The following PID1 variants were observed in gnomAD, a reference collection of about 807,000 sequenced individuals.
PID1 encodes PTB-containing, cubilin and LRP1-interacting protein.
PID1 carries 10 observed loss-of-function variants against 19.1 expected under a neutral mutation model. The observed-to-expected ratio is 0.52, with a 90% CI of 0.32 to 0.89. The LOEUF (loss-of-function observed/expected upper bound fraction) is 0.89. PID1 is among the 40% of genes least tolerant of loss of function. PID1 has a pLI of 0.03. For missense variants in PID1, 248 were observed against 285.3 expected, an observed-to-expected ratio of 0.87 and a Z score of 0.94; for synonymous variants, 130 against 116.0, an observed-to-expected ratio of 1.12 and a Z score of -0.78.
chr2:229,139,025 A>AG (rs1689926047), intron 2 of PID1, among the ~76,000 whole-genome samples: 3 of 88,190 alleles, frequency 3.4e-5, no homozygotes, highest in African/African-American at 1.3e-4. Context: ...GAAAGAAAGA[A>AG]AGAAAGAAAG....
intron 2 of PID1, among the ~76,000 whole-genome samples, chr2:229,095,018 G>A (rs7587601): frequency 6.6e-6 from 1 of 151,812 alleles, no homozygotes; most frequent in African/African-American, 2.4e-5. Context: ...TTCTACATAC[G>A]AAGACAATAA....
In PID1 at chr2:229,100,821, T is replaced by G. The variant is rs550663828; in HGVS notation, c.177+54997A>C. Reference sequence around the variant, plus strand: ...ATGATCAGAAACAGAAGGTTCCAAGTAGAAAACCCTTTCCTGCTCTTACCT... The same window carrying G: ...ATGATCAGAAACAGAAGGTTCCAAGGAGAAAACCCTTTCCTGCTCTTACCT... On this transcript the variant is annotated intron_variant, in intron 2 of 2. Coordinates refer to ENST00000392055, the MANE Select transcript of PID1 (RefSeq NM_001100818.2). Among the ~76,000 whole-genome samples, 8 of 152,262 alleles carry G rather than the reference T, an allele frequency of 5.3e-5. No individual in the cohort carries two copies. In the South Asian group the frequency reaches 1.5e-3, roughly 28 times the overall value.
rs183396912 is a variant in PID1, at chr2:229,069,914, A to T, written c.178-43806T>A. 4.6e-5 allele frequency among the ~76,000 whole-genome samples: 7 copies of T among 152,330 alleles called. No individual in the cohort carries two copies. The East Asian group carries it at 1.4e-3, about 29-fold the overall frequency. On this transcript the variant is annotated intron_variant, in intron 2 of 2. Transcript: ENST00000392055. ...ATTTCACACACAAGCACAAATCAAC[A>T]GTTTGACAAAAGAAGTCAAGAGGGG...
chr2:229,105,328 C>T (rs1695155587), intron 2 of PID1, among the ~76,000 whole-genome samples: 1 of 152,220 alleles, frequency 6.6e-6, no homozygotes, highest in South Asian at 2.1e-4. Context: ...GAGATTCAAT[C>T]ACCGACAGTG....
At chr2:229,104,417 T>C (rs1372990650) in intron 2 of PID1, among the ~76,000 whole-genome samples, 1 of 152,262 alleles carries the variant, frequency 6.6e-6, no homozygotes, top group East Asian at 1.9e-4. Context: ...GATGTTAAGC[T>C]GATTTTGAAT....
intron 1 of PID1, among the ~76,000 whole-genome samples, chr2:229,175,863 A>T (rs1250770360): frequency 6.6e-6 from 1 of 152,202 alleles, no homozygotes; most frequent in African/African-American, 2.4e-5. Flanking sequence ...ACCTAAACAT[A>T]GACTACGCAA....
intron 2 of PID1, among the ~76,000 whole-genome samples, chr2:229,033,886 C>T (rs572581879): frequency 6.6e-6 from 1 of 152,278 alleles, no homozygotes; most frequent in African/African-American, 2.4e-5. Flanking sequence ...AGCTCTTCTT[C>T]CATCACATGG....
At chr2:229,248,816 A>T (rs920194845) in intron 1 of PID1, among the ~76,000 whole-genome samples, 1 of 152,160 alleles carries the variant, frequency 6.6e-6, no homozygotes, top group African/African-American at 2.4e-5. Context: ...TTTGAGGTGT[A>T]CTAAATTTGT....
At chr2:229,152,740 T>C (rs1421100258) in intron 2 of PID1, among the ~76,000 whole-genome samples, 1 of 150,680 alleles carries the variant, frequency 6.6e-6, no homozygotes, top group Non-Finnish European at 1.5e-5. Flanking sequence ...AGCAAGGCAA[T>C]CCCGTCAGGA....
At chr2:229,217,987 G>A (rs1256716583) in intron 1 of PID1, among the ~76,000 whole-genome samples, 1 of 152,130 alleles carries the variant, frequency 6.6e-6, no homozygotes. Context: ...CACTTCTGAT[G>A]GGAATCCTCC....
At chr2:229,053,463 G>C (rs554869290) in intron 2 of PID1, among the ~76,000 whole-genome samples, 1 of 152,276 alleles carries the variant, frequency 6.6e-6, no homozygotes, top group African/African-American at 2.4e-5. Context: ...ACAAATTTCT[G>C]TCTTCATAAA....
intron 1 of PID1, among the ~76,000 whole-genome samples, chr2:229,217,144 A>T (rs867961748): frequency 1.3e-5 from 2 of 152,264 alleles, no homozygotes; most frequent in Non-Finnish European, 2.9e-5. Flanking sequence ...GACAGAGCCC[A>T]TTTTTGTCCA....
intron 1 of PID1, among the ~76,000 whole-genome samples, chr2:229,206,764 T>C (rs1284251194): frequency 6.6e-6 from 1 of 152,240 alleles, no homozygotes; most frequent in Non-Finnish European, 1.5e-5. Flanking sequence ...GCACTTCATA[T>C]ATTTGCATTG....
intron 1 of PID1, among the ~76,000 whole-genome samples, chr2:229,238,512 G>GA (rs1689782006): frequency 6.6e-6 from 1 of 152,092 alleles, no homozygotes; most frequent in Admixed American, 6.6e-5. Context: ...GTACTTATAA[G>GA]AAAAGAGGCC....
chr2:229,155,791 A>G (rs17614185), intron 2 of PID1, 27 bp downstream of exon 2: 149,250 of 1,582,944 alleles, frequency 0.094, 9,563 homozygotes, highest in East Asian at 0.26. Flanking sequence ...TCACCAAGAG[A>G]ACCCCTGCTG....
intron 2 of PID1, among the ~76,000 whole-genome samples, chr2:229,114,179 A>T (rs1695363681): frequency 8.8e-6 from 1 of 114,214 alleles, no homozygotes; most frequent in Non-Finnish European, 1.8e-5. Context: ...ACACAAACAC[A>T]CACACACACA....
chr2:229,210,704 G>A (rs998387714), intron 1 of PID1, among the ~76,000 whole-genome samples: 1 of 152,072 alleles, frequency 6.6e-6, no homozygotes, highest in African/African-American at 2.4e-5. Context: ...GAAAATGAGT[G>A]AATGTGATGT....
intron 2 of PID1, among the ~76,000 whole-genome samples, chr2:229,144,904 GA>G (rs958230483): frequency 2.0e-5 from 3 of 151,504 alleles, no homozygotes; most frequent in Non-Finnish European, 4.4e-5. Flanking sequence ...AAACTCAAGG[GA>G]AAAAAATCAC....
At chr2:229,211,890 G>A (rs141569596) in intron 1 of PID1, among the ~76,000 whole-genome samples, 161 of 152,332 alleles carry the variant, frequency 1.1e-3, no homozygotes, top group African/African-American at 3.5e-3. Context: ...TAAGAAAATT[G>A]TATGTACTAG....
Sources: gnomAD v4.1 joint callset for allele counts (sites outside exome capture counted in the v4.1 genomes callset) on GRCh38, gnomAD v4.1.1 for gene constraint, MANE v1.5 for transcripts, NCBI Gene and HGNC (gene_info 2026-07-23, HGNC 2026-07-21) for gene names.